The following DLG2 variants were observed in gnomAD, a reference collection of about 807,000 sequenced individuals.
The protein encoded by DLG2 is disks large homolog 2.
Under a neutral mutation model 132.5 loss-of-function variants are expected in DLG2, and 45 were observed. That is an observed-to-expected ratio of 0.34 (90% CI 0.27 to 0.44). The LOEUF is 0.44. DLG2 is among the 20% of genes least tolerant of loss of function. The pLI, the probability that DLG2 is intolerant of heterozygous loss-of-function variation, is 1.00. For synonymous variants in DLG2, 424 were observed against 419.6 expected (o/e 1.01, Z -0.13); for missense variants, 1,045 against 1,196.9 (o/e 0.87, Z 1.87).
At chr11:85,253,661 G>A (rs935994681) in intron 4 of DLG2, among the ~76,000 whole-genome samples, 14 of 152,124 alleles carry the variant, frequency 9.2e-5, no homozygotes, top group Admixed American at 2.6e-4. Context: ...GCTCAGTGGA[G>A]GGTCAGTGTG....
chr11:85,080,208 TAGCA>T (rs1449978424), intron 6 of DLG2, among the ~76,000 whole-genome samples: 1 of 152,042 alleles, frequency 6.6e-6, no homozygotes, highest in Admixed American at 6.6e-5. Context: ...GGTGGGGCAT[TAGCA>T]ATGAAAATAA....
intron 18 of DLG2, among the ~76,000 whole-genome samples, chr11:83,639,313 C>CT (rs1410736727): frequency 6.6e-5 from 10 of 152,130 alleles, no homozygotes; most frequent in Non-Finnish European, 1.3e-4. Context: ...GTTAGAAACT[C>CT]TATGTTATGG....
chr11:84,122,348 C>A (rs148941146), intron 9 of DLG2, among the ~76,000 whole-genome samples: 2 of 152,232 alleles, frequency 1.3e-5, no homozygotes, highest in East Asian at 3.9e-4. Context: ...AATTCCTGAA[C>A]CCAGATTTTC....
rs908461800 is a variant in DLG2 at position 85,316,576 on chromosome 11, CTTCT to C, written c.41-31215_41-31212del. Among the ~76,000 whole-genome samples the C allele has an allele frequency of 2.8e-4, 42 of 151,930 alleles. 1 individual carries two copies. The highest frequency in any genetic ancestry group is 9.7e-4 in the African/African-American group (40 of 41,400). The stretch of plus-strand genomic sequence containing the variant: ...GCAGAATAAAGAAGGAAGAATGTGT[CTTCT>C]TTCTTGTGCCTATTTGCTGCTCTTA... On this transcript the variant is annotated intron_variant, in intron 3 of 27. Coordinates refer to ENST00000376104, the MANE Select transcript of DLG2 (RefSeq NM_001142699.3).
At position 85,080,881 on chromosome 11, in the gene DLG2, A is replaced by G. The variant is rs80048890; in HGVS notation, c.357+30780T>C. Among the ~76,000 whole-genome samples the G allele has an allele frequency of 0.011, 1,714 of 152,240 alleles. 92 individuals are homozygous for G. In the East Asian group the frequency reaches 0.16, roughly 14 times the overall value. The stretch of plus-strand genomic sequence containing the variant: ...TTTTTCTATTTGACAAGCCTCCAGC[A>G]ATAAGTCTAAGTCAGAGAGTTAATT... On this transcript the variant is annotated intron_variant, in intron 6 of 27. Transcript: ENST00000376104.
intron 17 of DLG2, among the ~76,000 whole-genome samples, chr11:83,828,391 A>G (rs539921089): frequency 1.3e-5 from 2 of 152,228 alleles, no homozygotes; most frequent in Admixed American, 6.5e-5. Context: ...AGACTCCGTC[A>G]CAAATAATAA....
intron 8 of DLG2, among the ~76,000 whole-genome samples, chr11:84,194,559 TGCTGATTGGTCCATTTTACAGAGA>T (rs933813959): frequency 6.6e-6 from 1 of 152,206 alleles, no homozygotes; most frequent in Admixed American, 6.5e-5. Flanking sequence ...ACCCACATCC[TGCTGATTGGTCCATTTTACAGAGA>T]GCTGATTGGT....
chr11:83,974,489 A>C (rs1451346253), intron 12 of DLG2, among the ~76,000 whole-genome samples: 2 of 152,026 alleles, frequency 1.3e-5, no homozygotes, highest in African/African-American at 2.4e-5. Context: ...TCTAAGAAGA[A>C]GGCTCCATGA....
At chr11:83,462,114 A>G (rs749412173) in intron 26 of DLG2, 21 bp from the exon 27 acceptor site, 8 of 1,472,960 alleles carry the variant, frequency 5.4e-6, no homozygotes, top group African/African-American at 1.4e-5. Flanking sequence ...GAGGGTTTGT[A>G]TTAGAACATA....
chr11:83,627,784 G>A lies in DLG2; in HGVS notation c.1940+5427C>T, dbSNP rs1358181148. Among the ~76,000 whole-genome samples, 7 of 152,158 alleles carry A rather than the reference G, an allele frequency of 4.6e-5. No homozygotes were observed. In the East Asian group the frequency reaches 5.8e-4, roughly 13 times the overall value. ...TCTAGTTCTAGATCCCTGAGGAATC[G>A]CCACACTGACTTCCACAATGGTTGA... On this transcript the variant is annotated intron_variant, in intron 19 of 27. Coordinates refer to ENST00000376104, the MANE Select transcript of DLG2 (RefSeq NM_001142699.3).
intron 6 of DLG2, among the ~76,000 whole-genome samples, chr11:84,995,412 T>G (rs2057538051): frequency 6.6e-6 from 1 of 152,128 alleles, no homozygotes; most frequent in South Asian, 2.1e-4. Context: ...GTAAATCAAT[T>G]AACAGTGCTC....
intron 17 of DLG2, among the ~76,000 whole-genome samples, chr11:83,793,894 TA>T (rs1311945537): frequency 6.6e-6 from 1 of 152,176 alleles, no homozygotes; most frequent in Admixed American, 6.5e-5. Context: ...ATGCTTTTTT[TA>T]AAAAGAGGAA....
intron 7 of DLG2, among the ~76,000 whole-genome samples, chr11:84,316,317 G>T (rs999982124): frequency 6.6e-6 from 1 of 152,042 alleles, no homozygotes; most frequent in African/African-American, 2.4e-5. Context: ...ATTATTTAGT[G>T]TAAATAATTG....
At chr11:85,380,011 C>A (rs2085742249) in intron 3 of DLG2, among the ~76,000 whole-genome samples, 1 of 152,064 alleles carries the variant, frequency 6.6e-6, no homozygotes, top group East Asian at 1.9e-4. Flanking sequence ...CTATCTGTAT[C>A]AACAAAATAT....
intron 4 of DLG2, among the ~76,000 whole-genome samples, chr11:85,277,877 G>A (rs377412992): frequency 9.9e-5 from 15 of 152,126 alleles, no homozygotes; most frequent in African/African-American, 2.4e-4. Context: ...CCCTGTCACC[G>A]GTTTCTCTTG....
At chr11:83,851,134 G>A (rs1042892226) in intron 16 of DLG2, among the ~76,000 whole-genome samples, 43 of 150,918 alleles carry the variant, frequency 2.8e-4, no homozygotes, top group Admixed American at 8.6e-4. Flanking sequence ...CTGAGACCGC[G>A]GCACTGTACT....
At chr11:84,422,106 G>A (rs2098952928) in intron 7 of DLG2, among the ~76,000 whole-genome samples, 1 of 152,188 alleles carries the variant, frequency 6.6e-6, no homozygotes, top group Admixed American at 6.5e-5. Flanking sequence ...CAGAGTTGAG[G>A]AAGGTACTTG....
At chr11:83,825,061 T>TTATATATACACATATATATACACACA (rs1303313729) in intron 17 of DLG2, among the ~76,000 whole-genome samples, 6 of 149,662 alleles carry the variant, frequency 4.0e-5, no homozygotes, top group Non-Finnish European at 7.4e-5. Flanking sequence ...TTTTTGTTTT[T>TTATATATACACATATATATACACACA]TATATATACA....
chr11:84,331,674 A>G (rs1600058969), intron 7 of DLG2, among the ~76,000 whole-genome samples: 2 of 151,902 alleles, frequency 1.3e-5, no homozygotes, highest in East Asian at 3.9e-4. Flanking sequence ...GGCCAAGCAG[A>G]AATGCAGTTG....
Sources: gnomAD v4.1 joint callset for allele counts (sites outside exome capture counted in the v4.1 genomes callset) on GRCh38, gnomAD v4.1.1 for gene constraint, MANE v1.5 for transcripts, NCBI Gene and HGNC (gene_info 2026-07-23, HGNC 2026-07-21) for gene names.